LINGO3: variants seen among roughly 807,000 people sequenced by gnomAD.
The protein encoded by LINGO3 is leucine rich repeat and Ig domain containing 3.
For missense variants in LINGO3, 750 were observed against 867.7 expected (o/e 0.86, Z 1.70); for synonymous variants, 427 against 444.2 (o/e 0.96, Z 0.49).
chr19:2,291,345 G>T lies in LINGO3; in HGVS notation c.432C>A (p.Tyr144Ter). 1 of 1,613,342 alleles carries T rather than the reference G, an allele frequency of 6.2e-7. No individual in the cohort carries two copies. Among genetic ancestry groups the T allele is most frequent in the Non-Finnish European group, 8.5e-7 (1 of 1,179,726 alleles). The change falls in exon 1 of 1, where the codon TAC becomes TAA. Residue 144 changes from tyrosine (Y) to a stop codon, truncating the protein, a stop_gained. Transcript: ENST00000585527. LOFTEE classifies it low-confidence loss of function (END_TRUNC). ...GCAGGCTGTGCAGGTCCTGGAAAGT[G>T]TAGTCCAGCAGGATTACCAGCTTGT...
chr19:2,307,254 C>T, the LINGO3 span, among the ~76,000 whole-genome samples: 1 of 152,242 alleles, frequency 6.6e-6, no homozygotes, highest in Non-Finnish European at 1.5e-5. Context: ...GGGCACATCG[C>T]CTCAGAAGTT....
At chr19:2,305,506 C>T in the LINGO3 span, among the ~76,000 whole-genome samples, 3 of 152,130 alleles carry the variant, frequency 2.0e-5, no homozygotes, top group African/African-American at 4.8e-5. Flanking sequence ...CCTGGCTAAG[C>T]CCCCGGCCCT....
chr19:2,287,887 T>A (rs2145082382), downstream of LINGO3, among the ~76,000 whole-genome samples: 1 of 152,228 alleles, frequency 6.6e-6, no homozygotes, highest in East Asian at 1.9e-4. The surrounding 1 kb of genome is among the most constrained non-coding windows in gnomAD (Gnocchi z 4.5). Flanking sequence ...TGTCCTAACC[T>A]CTTGGTTGGC....
chr19:2,295,844 G>A (rs868338395), upstream of LINGO3, among the ~76,000 whole-genome samples: 7 of 152,332 alleles, frequency 4.6e-5, no homozygotes, highest in East Asian at 9.7e-4. Context: ...ATGCCACGTG[G>A]AACAGCACAG....
chr19:2,293,565 G>T (rs1172372032), upstream of LINGO3, among the ~76,000 whole-genome samples: 4 of 145,702 alleles, frequency 2.7e-5, no homozygotes, highest in Non-Finnish European at 6.0e-5. Context: ...TTGCCATGTT[G>T]GCCAGGCTGG....
At chr19:2,291,906 TCCCAGCACGGCGGCTC>T (rs2025528862) in exon 1 of LINGO3, 2 of 776,932 alleles carry the variant, frequency 2.6e-6, no homozygotes. Context: ...CCCTAACCCG[TCCCAGCACGGCGGCTC>T]GCTCCTGTAA....
At chr19:2,289,081 G>T (rs2025491288), downstream of LINGO3, among the ~76,000 whole-genome samples, 1 of 151,570 alleles carries the variant, frequency 6.6e-6, no homozygotes, top group Middle Eastern at 3.2e-3. Context: ...TGTATCCCGG[G>T]TGTGAGCTGT....
chr19:2,292,177 G>C (rs2025531061), upstream of LINGO3, among the ~76,000 whole-genome samples: 1 of 138,564 alleles, frequency 7.2e-6, no homozygotes, highest in Admixed American at 7.4e-5. Context: ...AACACGGTGA[G>C]ACCCCTGTCT....
chr19:2,300,360 C>G, the LINGO3 span, among the ~76,000 whole-genome samples: 29 of 151,986 alleles, frequency 1.9e-4, no homozygotes, highest in Non-Finnish European at 4.1e-4. Context: ...GGCCTCTGTC[C>G]CCTCCCTTGT....
Position 2,291,640 on chromosome 19 carries a change from G to A in LINGO3, c.137C>T (p.Thr46Ile). 1 of 1,434,654 alleles carries A rather than the reference G, an allele frequency of 7.0e-7. No homozygotes were observed. The highest frequency in any genetic ancestry group is 1.4e-5 in the South Asian group (1 of 70,036). 88.9% of individuals were successfully genotyped at this position (1,434,654 alleles called of 1,614,324 possible). A position where few individuals can be genotyped will look rare whatever the true frequency, so the allele number is the denominator to read the frequency against. Residue 46 changes from threonine to isoleucine, a missense_variant, in exon 1 of 1, where the codon ACC becomes ATC. By Grantham distance (89) the Thr-to-Ile change is moderately conservative. Coordinates refer to ENST00000585527, the Ensembl canonical transcript of LINGO3. ...GGCCGGGATGCCGTCGGGCACGGCG[G>A]TCAGGCGGCGGCGCGTGCAGGCCAC... is the stretch of plus-strand genomic sequence containing the variant.
At chr19:2,294,834 G>C (rs943558441), upstream of LINGO3, among the ~76,000 whole-genome samples, 1 of 152,082 alleles carries the variant, frequency 6.6e-6, no homozygotes, top group Non-Finnish European at 1.5e-5. The surrounding 1 kb of genome is among the most constrained non-coding windows in gnomAD (Gnocchi z 4.3). Context: ...TGGAGGGAGC[G>C]GGAGGAAGCA....
Position 2,290,257 on chromosome 19 carries a change from G to A in LINGO3, c.1520C>T (p.Pro507Leu), listed in dbSNP as rs1297724268. ...CAGCGTCTCGTTGTGGGCCTCGCCC[G>A]GGGTCCGGTTGGCGGCCGGCTCGGG... Residue 507 changes from proline (P) to leucine (L), a missense_variant, in exon 1 of 1, where the codon CCG becomes CTG. Transcript: ENST00000585527. This position sits in a 1 kb window ranked among gnomAD's most constrained non-coding sequence, Gnocchi z 6.0. 8 of 1,601,428 alleles carry A rather than the reference G, an allele frequency of 5.0e-6. No homozygotes were observed. The highest frequency in any genetic ancestry group is 5.9e-6 in the Non-Finnish European group (7 of 1,177,360).
the LINGO3 span, among the ~76,000 whole-genome samples, chr19:2,301,365 C>T: frequency 1.3e-5 from 2 of 152,006 alleles, no homozygotes; most frequent in Non-Finnish European, 2.9e-5. Flanking sequence ...TGCTGAGAAG[C>T]GTCCCTGGCC....
chr19:2,302,973 C>G, the LINGO3 span, among the ~76,000 whole-genome samples: 2 of 152,258 alleles, frequency 1.3e-5, no homozygotes, highest in Non-Finnish European at 2.9e-5. Context: ...CACGCAGACG[C>G]CCGCAGCACC....
chr19:2,299,356 G>A, the LINGO3 span, among the ~76,000 whole-genome samples: 236 of 152,268 alleles, frequency 1.5e-3, 2 homozygotes, highest in East Asian at 0.037. Flanking sequence ...CTGTGTACAC[G>A]GCCTGCATCT....
At chr19:2,293,687 A>T (rs1413213609), upstream of LINGO3, among the ~76,000 whole-genome samples, 1 of 151,786 alleles carries the variant, frequency 6.6e-6, no homozygotes, top group Admixed American at 6.6e-5. Flanking sequence ...TGAAATGTCC[A>T]GGACAGGCCC....
upstream of LINGO3, among the ~76,000 whole-genome samples, chr19:2,293,759 G>A (rs990439187): frequency 4.7e-5 from 7 of 150,046 alleles, no homozygotes; most frequent in African/African-American, 1.5e-4. Context: ...CTGTGTTCCC[G>A]CAAATGTTCA....
downstream of LINGO3, among the ~76,000 whole-genome samples, chr19:2,289,179 T>TCCGGGTGTGAGCTGTGTGTC (rs1316179798): frequency 1.4e-5 from 2 of 146,954 alleles, no homozygotes; most frequent in African/African-American, 2.6e-5. Flanking sequence ...AGCTCTGTGT[T>TCCGGGTGTGAGCTGTGTGTC]CCGGGTGTGA....
At chr19:2,288,311 G>T (rs1388058052), downstream of LINGO3, among the ~76,000 whole-genome samples, 7 of 152,208 alleles carry the variant, frequency 4.6e-5, no homozygotes, top group Non-Finnish European at 1.0e-4. This position sits in a 1 kb window ranked among gnomAD's most constrained non-coding sequence, Gnocchi z 6.5. Context: ...TTCCGGCCTT[G>T]TTCTTGTCAC....
Sources: allele counts gnomAD v4.1 joint callset (sites outside exome capture counted in the v4.1 genomes callset), GRCh38; gene constraint gnomAD v4.1.1; non-coding constraint Gnocchi (gnomAD v3.1); transcripts MANE v1.5; gene names NCBI Gene and HGNC (gene_info 2026-07-23, HGNC 2026-07-21).